The following BEND6 variants were observed in gnomAD, a reference collection of about 807,000 sequenced individuals.
The protein encoded by BEND6 is BEN domain containing 6.
Under a neutral mutation model 31.8 loss-of-function variants are expected in BEND6, and 24 were observed. The observed-to-expected ratio is 0.75, with a 90% CI of 0.55 to 1.06. BEND6 has a LOEUF of 1.06. Ranked by LOEUF, BEND6 falls within the 50% of genes least tolerant of loss-of-function variation. The pLI is 0.00. For missense variants in BEND6, 294 were observed against 327.4 expected (o/e 0.90, Z 0.79); for synonymous variants, 109 against 114.6 (o/e 0.95, Z 0.31).
At chr6:56,958,958 C>G (rs1825192738) in intron 1 of BEND6, among the ~76,000 whole-genome samples, 1 of 152,074 alleles carries the variant, frequency 6.6e-6, no homozygotes. Flanking sequence ...ACAATCTTTG[C>G]AGAAATTTAA....
At chr6:56,998,301 T>C (rs1429161067) in intron 3 of BEND6, among the ~76,000 whole-genome samples, 1 of 152,228 alleles carries the variant, frequency 6.6e-6, no homozygotes, top group Non-Finnish European at 1.5e-5. Context: ...GAATCAGGGC[T>C]GTTTCTGTGT....
chr6:57,010,092 G>A (rs1032332881), intron 3 of BEND6: 2 of 152,176 alleles, frequency 1.3e-5, no homozygotes, highest in East Asian at 1.9e-4. Context: ...AGCTAACCAG[G>A]CATTAAATAC....
At chr6:56,979,803 T>C (rs2127851030) in intron 1 of BEND6, among the ~76,000 whole-genome samples, 1 of 152,354 alleles carries the variant, frequency 6.6e-6, no homozygotes, top group South Asian at 2.1e-4. Context: ...ATCCATCCCT[T>C]TGCAGAAAAA....
chr6:57,014,525 T>TAC, intron 3 of BEND6: 7 of 1,515,004 alleles, frequency 4.6e-6, no homozygotes, highest in South Asian at 3.9e-5. Context: ...ACTTTGAATG[T>TAC]GTAAGTTTCC....
At chr6:57,001,606 AAGT>A (rs1193760470) in intron 3 of BEND6, among the ~76,000 whole-genome samples, 1 of 152,218 alleles carries the variant, frequency 6.6e-6, no homozygotes, top group Non-Finnish European at 1.5e-5. Flanking sequence ...TTAAAACAAG[AAGT>A]TCCAACCAAG....
chr6:56,957,548 G>A (rs1825131729), intron 1 of BEND6, among the ~76,000 whole-genome samples: 1 of 152,136 alleles, frequency 6.6e-6, no homozygotes, highest in Non-Finnish European at 1.5e-5. Flanking sequence ...AGTTAATTTA[G>A]TAGAAATTAT....
At position 56,981,931 on chromosome 6, in the gene BEND6, G is replaced by A. The variant is rs1185233613; in HGVS notation, c.120+1G>A. ...AAATAGTGACATGGATAAAGGACAG[G>A]TTGGTTTTTTGTTACCTTGACTCAA... On this transcript the variant is annotated splice_donor_variant, in intron 2 of 6. Transcript: ENST00000370746. LOFTEE classifies it high-confidence loss of function. 33 of 1,602,210 alleles carry A rather than the reference G, an allele frequency of 2.1e-5. No individual in the cohort carries two copies. Among genetic ancestry groups the A allele is most frequent in the Non-Finnish European group, 2.6e-5 (31 of 1,176,150 alleles).
intron 2 of BEND6, among the ~76,000 whole-genome samples, chr6:56,991,417 C>G (rs369929716): frequency 4.0e-5 from 6 of 151,868 alleles, no homozygotes; most frequent in African/African-American, 1.5e-4. Flanking sequence ...CTCTGTCACC[C>G]AGGGTGGAGC....
At chr6:57,007,562 G>A (rs1264108321) in intron 3 of BEND6, among the ~76,000 whole-genome samples, 1 of 151,052 alleles carries the variant, frequency 6.6e-6, no homozygotes, top group Non-Finnish European at 1.5e-5. Context: ...AAGACTAGAG[G>A]ATCACTTGAG....
chr6:56,996,303 C>T (rs1475291334), intron 3 of BEND6, among the ~76,000 whole-genome samples: 1 of 152,002 alleles, frequency 6.6e-6, no homozygotes, highest in Non-Finnish European at 1.5e-5. Flanking sequence ...AAAAATTAGC[C>T]AGGCATGGTG....
chr6:56,998,222 A>G (rs1826798195), intron 3 of BEND6, among the ~76,000 whole-genome samples: 1 of 152,192 alleles, frequency 6.6e-6, no homozygotes, highest in Admixed American at 6.5e-5. Flanking sequence ...TACTATTAAG[A>G]AAGGGGTCTA....
At chr6:56,997,172 T>C (rs1459810493) in intron 3 of BEND6, among the ~76,000 whole-genome samples, 1 of 152,192 alleles carries the variant, frequency 6.6e-6, no homozygotes, top group East Asian at 1.9e-4. Context: ...CATGATCTTG[T>C]CTTTAGTGTC....
intron 1 of BEND6, among the ~76,000 whole-genome samples, chr6:56,969,196 G>A (rs1825601378): frequency 6.6e-6 from 1 of 152,182 alleles, no homozygotes; most frequent in South Asian, 2.1e-4. Flanking sequence ...TGGTGAGAAA[G>A]CCATGCATTT....
intron 2 of BEND6, among the ~76,000 whole-genome samples, chr6:56,991,832 C>A (rs1377363637): frequency 6.6e-6 from 1 of 152,156 alleles, no homozygotes; most frequent in East Asian, 1.9e-4. Context: ...GCTACTACCC[C>A]ACACTCCCCT....
At chr6:56,975,901 A>G (rs1478534929) in intron 1 of BEND6, 3 of 530,112 alleles carry the variant, frequency 5.7e-6, no homozygotes, top group Non-Finnish European at 1.2e-5. Context: ...CAACAATAAC[A>G]TCATAAATTA....
chr6:57,012,948 A>G (rs1044616103), intron 3 of BEND6, among the ~76,000 whole-genome samples: 7 of 152,222 alleles, frequency 4.6e-5, no homozygotes, highest in Middle Eastern at 3.4e-3. Flanking sequence ...CTCTACGGCA[A>G]TTTAATCCCT....
intron 6 of BEND6, among the ~76,000 whole-genome samples, chr6:57,023,293 C>T (rs1827806875): frequency 6.6e-6 from 1 of 152,072 alleles, no homozygotes; most frequent in Non-Finnish European, 1.5e-5. Context: ...GCTTTATATA[C>T]TTGGGAGCTC....
At chr6:57,015,009 C>T (rs947401595) in intron 3 of BEND6, 124 bp from the exon 4 acceptor site, 13 of 683,562 alleles carry the variant, frequency 1.9e-5, no homozygotes, top group Admixed American at 3.5e-5. Flanking sequence ...GTTTATTTTC[C>T]AAAGATAGCA....
At chr6:57,012,596 C>A (rs1562556919) in intron 3 of BEND6, among the ~76,000 whole-genome samples, 2 of 152,020 alleles carry the variant, frequency 1.3e-5, no homozygotes, top group African/African-American at 4.8e-5. Context: ...TTAGGCCTTA[C>A]AAACTCATAT....
Sources: gnomAD v4.1 joint callset for allele counts (sites outside exome capture counted in the v4.1 genomes callset) on GRCh38, gnomAD v4.1.1 for gene constraint, MANE v1.5 for transcripts, NCBI Gene and HGNC (gene_info 2026-07-23, HGNC 2026-07-21) for gene names.